PGGT1B: variants seen among roughly 807,000 people sequenced by gnomAD.
PGGT1B encodes the protein protein geranylgeranyltransferase type I subunit beta.
PGGT1B carries 30 observed loss-of-function variants against 46.1 expected under a neutral mutation model. That is an observed-to-expected ratio of 0.65 (90% CI 0.49 to 0.88). PGGT1B has a LOEUF of 0.88. Among genes scored for constraint, PGGT1B ranks in the 40% least tolerant of loss-of-function variants. PGGT1B has a pLI of 0.00. For missense variants in PGGT1B, 376 were observed against 455.9 expected, an observed-to-expected ratio of 0.82 and a Z score of 1.60; for synonymous variants, 170 against 160.0, an observed-to-expected ratio of 1.06 and a Z score of -0.47.
At chr5:115,256,621 A>C (rs1026201661) in intron 1 of PGGT1B, among the ~76,000 whole-genome samples, 4 of 152,186 alleles carry the variant, frequency 2.6e-5, no homozygotes, top group African/African-American at 9.6e-5. Flanking sequence ...ACTTTGGGGC[A>C]AATATCTGGC....
rs187389591 is a variant in PGGT1B at position 115,208,490 on chromosome 5, C to T, written c.*3912G>A. ...AAATTTTGGCAATTTGCATTTTTCT[C>T]AAAATAGTTTTTGAATTTATTGTGT... On this transcript the variant is annotated 3_prime_UTR_variant, in exon 9 of 9. Coordinates refer to ENST00000419445, the MANE Select transcript of PGGT1B (RefSeq NM_005023.4). The T allele has an allele frequency of 3.8e-3, 580 of 152,092 alleles. 4 individuals are homozygous for T. Among genetic ancestry groups the T allele is most frequent in the African/African-American group, 0.014 (564 of 41,516 alleles). 9.4% of individuals were successfully genotyped at this position (152,092 alleles called of 1,614,324 possible). A position where few individuals can be genotyped will look rare whatever the true frequency, so the allele number is the denominator to read the frequency against.
chr5:115,234,904 A>C (rs1250749437), intron 5 of PGGT1B, among the ~76,000 whole-genome samples: 1 of 152,070 alleles, frequency 6.6e-6, no homozygotes, highest in East Asian at 1.9e-4. Flanking sequence ...CTATGTACAC[A>C]TACATTTCCT....
chr5:115,237,764 G>T, intron 4 of PGGT1B, 94 bp downstream of exon 4: 1 of 1,025,694 alleles, frequency 9.7e-7, no homozygotes, highest in Non-Finnish European at 1.4e-6. Context: ...AATAGAGTAT[G>T]ATCCTCTAAA....
rs909254138 is a variant in PGGT1B, at chr5:115,241,160, A to G, written c.327+379T>C. ...AATGTAGAGTCTTTCTATAAACACA[A>G]CAAAGTTTACTGGCTTCTTACACAG... On this transcript the variant is annotated intron_variant, in intron 3 of 8. Coordinates refer to ENST00000419445, the MANE Select transcript of PGGT1B (RefSeq NM_005023.4). 4.6e-5 allele frequency among the ~76,000 whole-genome samples: 7 copies of G among 152,196 alleles called. 1 individual carries two copies. The highest frequency in any genetic ancestry group is 7.4e-5 in the Non-Finnish European group (5 of 68,024).
chr5:115,238,772 G>A (rs1382019106), intron 3 of PGGT1B, among the ~76,000 whole-genome samples: 2 of 152,040 alleles, frequency 1.3e-5, no homozygotes, highest in Admixed American at 6.5e-5. Context: ...AGAAAATGAA[G>A]ATATTAGTAC....
At chr5:115,262,597 C>T in intron 1 of PGGT1B, 115 bp downstream of exon 1, 1 of 1,210,070 alleles carries the variant, frequency 8.3e-7, no homozygotes, top group Non-Finnish European at 1.2e-6. Flanking sequence ...CAGTCAGTGC[C>T]AACTGGGCGG....
intron 5 of PGGT1B, among the ~76,000 whole-genome samples, chr5:115,233,992 T>A (rs993982776): frequency 6.6e-6 from 1 of 151,966 alleles, no homozygotes; most frequent in Non-Finnish European, 1.5e-5. Context: ...TGCAGGAAGT[T>A]ATTAATTACA....
chr5:115,236,276 C>T, intron 5 of PGGT1B, 114 bp downstream of exon 5: 1 of 762,978 alleles, frequency 1.3e-6, no homozygotes, highest in East Asian at 3.0e-5. Context: ...AAAAAGCAAT[C>T]TTAATGCTCT....
chr5:115,261,961 A>C (rs1391703308), intron 1 of PGGT1B, among the ~76,000 whole-genome samples: 1 of 152,224 alleles, frequency 6.6e-6, no homozygotes, highest in Admixed American at 6.5e-5. Flanking sequence ...AGTGTTCAAA[A>C]TACACCAGCA....
rs999830855 is a variant in PGGT1B, at chr5:115,204,608, G to C, written c.*7794C>G. The C allele has an allele frequency of 6.6e-6, 1 of 152,078 alleles. No homozygotes were observed. The highest frequency in any genetic ancestry group is 2.4e-5 in the African/African-American group (1 of 41,484). The allele number at this position is 152,078 out of a possible 1,614,324, so 9.4% of individuals were successfully genotyped here. ...CTTGATAAAATCCGGTGTCACAAAG[G>C]ATATGAGGAAACAGGCACTCTCATA... is the stretch of plus-strand genomic sequence containing the variant. On this transcript the variant is annotated 3_prime_UTR_variant, in exon 9 of 9. Transcript: ENST00000419445.
chr5:115,257,466 G>A (rs1748369630), intron 1 of PGGT1B, among the ~76,000 whole-genome samples: 2 of 138,906 alleles, frequency 1.4e-5, no homozygotes, highest in Non-Finnish European at 1.5e-5. Flanking sequence ...GTGAGCTGAG[G>A]TTGCAGTGAG....
intron 8 of PGGT1B, among the ~76,000 whole-genome samples, chr5:115,216,010 G>A (rs1756405891): frequency 6.6e-6 from 1 of 152,138 alleles, no homozygotes; most frequent in East Asian, 1.9e-4. Context: ...GCTAGAGGTG[G>A]GAGAGGAGCC....
At position 115,212,319 on chromosome 5, in the gene PGGT1B, A is replaced by G. The variant is rs1352471153; in HGVS notation, c.*83T>C. 3 of 1,582,678 alleles carry G rather than the reference A, an allele frequency of 1.9e-6. No homozygotes were observed. In the African/African-American group the frequency reaches 4.1e-5, roughly 22 times the overall value. On this transcript the variant is annotated 3_prime_UTR_variant, in exon 9 of 9. Coordinates refer to ENST00000419445, the MANE Select transcript of PGGT1B (RefSeq NM_005023.4). The stretch of plus-strand genomic sequence containing the variant: ...TTGTAAGACTCTACCTTTTAAAAAA[A>G]GAGCACACTTGGTTATACATGGCTT...
At chr5:115,256,030 G>A (rs138956166) in intron 1 of PGGT1B, among the ~76,000 whole-genome samples, 4 of 152,160 alleles carry the variant, frequency 2.6e-5, no homozygotes, top group East Asian at 1.9e-4. Context: ...GGGCCCTTTC[G>A]GTTTGTTTTT....
At position 115,239,827 on chromosome 5, in the gene PGGT1B, G is replaced by T. The variant is rs541946905; in HGVS notation, c.327+1712C>A. On this transcript the variant is annotated intron_variant, in intron 3 of 8. Transcript: ENST00000419445. ...AAATTTGCTAGAGAGCATGGGATTT[G>T]TGAAAGGAAATTGTGACAATAGTGG... 3.3e-5 allele frequency among the ~76,000 whole-genome samples: 5 copies of T among 152,324 alleles called. No individual in the cohort carries two copies. The South Asian group carries it at 1.0e-3, about 32-fold the overall frequency.
chr5:115,246,102 A>G (rs901892595), intron 2 of PGGT1B, among the ~76,000 whole-genome samples: 5 of 152,162 alleles, frequency 3.3e-5, no homozygotes, highest in African/African-American at 4.8e-5. Context: ...CTGTCATCCT[A>G]GCACTTTGGG....
At chr5:115,234,161 T>C (rs1382788272) in intron 5 of PGGT1B, among the ~76,000 whole-genome samples, 2 of 69,604 alleles carry the variant, frequency 2.9e-5, no homozygotes, top group Non-Finnish European at 5.0e-5. Context: ...TCACATTGTA[T>C]TGGTGTTTTT....
chr5:115,228,104 A>G (rs996568634), intron 6 of PGGT1B, among the ~76,000 whole-genome samples: 2 of 152,222 alleles, frequency 1.3e-5, no homozygotes, highest in African/African-American at 4.8e-5. Context: ...GCTGAAGAGG[A>G]GAATGACAGT....
chr5:115,261,611 T>C (rs1200613860), intron 1 of PGGT1B, among the ~76,000 whole-genome samples: 1 of 152,164 alleles, frequency 6.6e-6, no homozygotes, highest in African/African-American at 2.4e-5. Flanking sequence ...CAGTCCTAAG[T>C]ATAGAGGTAA....
Sources: gnomAD v4.1 joint callset for allele counts (sites outside exome capture counted in the v4.1 genomes callset) on GRCh38, gnomAD v4.1.1 for gene constraint, MANE v1.5 for transcripts, NCBI Gene and HGNC (gene_info 2026-07-23, HGNC 2026-07-21) for gene names.